The following NAALADL2 variants were observed in gnomAD, a reference collection of about 807,000 sequenced individuals.
NAALADL2 encodes the protein inactive N-acetylated-alpha-linked acidic dipeptidase-like protein 2.
NAALADL2 carries 76 observed loss-of-function variants against 87.2 expected under a neutral mutation model. That is an observed-to-expected ratio of 0.87 (90% CI 0.72 to 1.05). NAALADL2 has a LOEUF of 1.05. Ranked by LOEUF, NAALADL2 falls within the 50% of genes least tolerant of loss-of-function variation. The probability of loss-of-function intolerance (pLI) is 0.00; values close to 1 mark genes in which losing one functional copy is unlikely to be tolerated. For synonymous variants in NAALADL2, 354 were observed against 331.0 expected, an observed-to-expected ratio of 1.07 and a Z score of -0.75; for missense variants, 1,089 against 945.8, an observed-to-expected ratio of 1.15 and a Z score of -1.99.
At chr3:174,891,615 G>T (rs1459591609) in intron 1 of NAALADL2, among the ~76,000 whole-genome samples, 4 of 152,092 alleles carry the variant, frequency 2.6e-5, no homozygotes, top group Non-Finnish European at 5.9e-5. Context: ...CCGGGCCTTA[G>T]CCAGAGGGGA....
chr3:175,706,193 A>T (rs1739682352), intron 11 of NAALADL2, among the ~76,000 whole-genome samples: 1 of 152,094 alleles, frequency 6.6e-6, no homozygotes, highest in Admixed American at 6.6e-5. Flanking sequence ...GCCCATTCGA[A>T]TCATATCTGT....
chr3:175,585,428 C>T (rs1213496294), intron 10 of NAALADL2, among the ~76,000 whole-genome samples: 1 of 152,134 alleles, frequency 6.6e-6, no homozygotes, highest in African/African-American at 2.4e-5. Context: ...TTCTAGTTTT[C>T]TATACAAAGG....
chr3:174,679,127 G>A (rs1560138901), intron 2 of NAALADL2, among the ~76,000 whole-genome samples: 2 of 152,042 alleles, frequency 1.3e-5, no homozygotes, highest in South Asian at 4.1e-4. Context: ...TGTCTCTTCT[G>A]ACGTTGTCTG....
At chr3:174,867,604 GA>G (rs1023065882) in intron 1 of NAALADL2, among the ~76,000 whole-genome samples, 12 of 151,806 alleles carry the variant, frequency 7.9e-5, no homozygotes, top group African/African-American at 1.7e-4. Flanking sequence ...AATATGCTCA[GA>G]AAAAAAGCAT....
At chr3:175,278,263 T>A (rs1753855728) in intron 4 of NAALADL2, among the ~76,000 whole-genome samples, 1 of 152,232 alleles carries the variant, frequency 6.6e-6, no homozygotes, top group African/African-American at 2.4e-5. Flanking sequence ...CTTAGCACCA[T>A]GCAGTCCTTG....
Position 175,597,969 on chromosome 3 carries a change from A to G in NAALADL2, c.1800+21782A>G, listed in dbSNP as rs150111794. Among the ~76,000 whole-genome samples, 1,490 of 152,100 alleles carry G rather than the reference A, an allele frequency of 9.8e-3. 28 individuals are homozygous for G. The highest frequency in any genetic ancestry group is 0.035 in the African/African-American group (1,435 of 41,524). On this transcript the variant is annotated intron_variant, in intron 10 of 13. Coordinates refer to ENST00000454872, the MANE Select transcript of NAALADL2 (RefSeq NM_207015.3). ...AACATTATCTCTATTCTCTCCCTAC[A>G]TGTGTATATGTGTATAGACATACAT... is the stretch of plus-strand genomic sequence containing the variant.
chr3:174,691,415 A>C (rs1051974359), intron 2 of NAALADL2, among the ~76,000 whole-genome samples: 7 of 141,880 alleles, frequency 4.9e-5, no homozygotes, highest in Admixed American at 1.4e-4. Context: ...CTGTCTCAAA[A>C]AAAATAATTA....
chr3:175,217,929 G>T (rs1560179635), intron 2 of NAALADL2: 1 of 217,500 alleles, frequency 4.6e-6, no homozygotes, highest in East Asian at 1.2e-4. Context: ...AGAAGCCATA[G>T]AAATGACAGT....
chr3:175,539,598 T>C (rs1032258164), intron 9 of NAALADL2, among the ~76,000 whole-genome samples: 1 of 115,830 alleles, frequency 8.6e-6, no homozygotes, highest in African/African-American at 3.5e-5. Context: ...GTCACCCAGG[T>C]ACTAAGCATA....
chr3:175,701,499 G>A (rs1414125707), intron 11 of NAALADL2, among the ~76,000 whole-genome samples: 1 of 152,030 alleles, frequency 6.6e-6, no homozygotes, highest in Non-Finnish European at 1.5e-5. Context: ...TTAATATTTG[G>A]ATTTCAAACA....
At chr3:174,689,397 C>CTT (rs58366472) in intron 2 of NAALADL2, among the ~76,000 whole-genome samples, 132 of 149,544 alleles carry the variant, frequency 8.8e-4, no homozygotes, top group African/African-American at 3.0e-3. Context: ...CCCGCTTCAC[C>CTT]TTTTTTTTAC....
intron 2 of NAALADL2, among the ~76,000 whole-genome samples, chr3:174,568,246 T>A (rs1714522511): frequency 6.6e-6 from 1 of 151,820 alleles, no homozygotes; most frequent in Admixed American, 6.6e-5. Flanking sequence ...TACATATTGA[T>A]TGAATACATA....
At chr3:175,231,890 C>A (rs1041663767) in intron 2 of NAALADL2, among the ~76,000 whole-genome samples, 2 of 152,092 alleles carry the variant, frequency 1.3e-5, no homozygotes, top group African/African-American at 4.8e-5. Context: ...ACTCAGTTTA[C>A]CTGCTCTATC....
At chr3:174,704,320 C>G (rs1258570478) in intron 2 of NAALADL2, among the ~76,000 whole-genome samples, 2 of 152,108 alleles carry the variant, frequency 1.3e-5, no homozygotes, top group Non-Finnish European at 2.9e-5. Context: ...TATCATCAGA[C>G]AGTATTCTAT....
chr3:174,741,412 A>G (rs1336903805), intron 3 of NAALADL2, among the ~76,000 whole-genome samples: 5 of 151,712 alleles, frequency 3.3e-5, no homozygotes, highest in African/African-American at 9.7e-5. Flanking sequence ...ATAAAAAAGC[A>G]TACAACTTAA....
At chr3:174,871,183 A>T (rs537006338) in intron 1 of NAALADL2, among the ~76,000 whole-genome samples, 3 of 152,330 alleles carry the variant, frequency 2.0e-5, no homozygotes, top group African/African-American at 7.2e-5. Context: ...TAAACAATTG[A>T]TACTTTGCTG....
At chr3:175,003,574 A>G (rs996768658) in intron 1 of NAALADL2, among the ~76,000 whole-genome samples, 3 of 152,290 alleles carry the variant, frequency 2.0e-5, no homozygotes, top group Middle Eastern at 3.4e-3. Context: ...AGTGGTAATG[A>G]TGACTTTGAG....
chr3:174,804,987 C>T (rs936042098), intron 3 of NAALADL2, among the ~76,000 whole-genome samples: 8 of 152,120 alleles, frequency 5.3e-5, no homozygotes, highest in African/African-American at 1.9e-4. Flanking sequence ...GTTAATCCTT[C>T]TGTTTTTCCT....
chr3:175,396,179 A>G (rs190674182), intron 5 of NAALADL2, among the ~76,000 whole-genome samples: 2 of 152,240 alleles, frequency 1.3e-5, no homozygotes, highest in Non-Finnish European at 1.5e-5. Context: ...TGAAAGATGA[A>G]TTTTCTTATG....
Sources: allele counts gnomAD v4.1 joint callset (sites outside exome capture counted in the v4.1 genomes callset), GRCh38; gene constraint gnomAD v4.1.1; transcripts MANE v1.5; gene names NCBI Gene and HGNC (gene_info 2026-07-23, HGNC 2026-07-21).